The following PPWD1 variants were observed in gnomAD, a reference collection of about 807,000 sequenced individuals.
PPWD1 encodes peptidylprolyl isomerase domain and WD repeat-containing protein 1.
Under a neutral mutation model 68.8 loss-of-function variants are expected in PPWD1, and 43 were observed. The observed-to-expected ratio is 0.62, with a 90% CI of 0.49 to 0.81. The LOEUF is 0.81. Ranked by LOEUF, PPWD1 falls within the 30% of genes least tolerant of loss-of-function variation. The pLI is 0.00. For synonymous variants in PPWD1, 232 were observed against 258.7 expected (o/e 0.90, Z 0.99); for missense variants, 672 against 804.8 (o/e 0.83, Z 2.00).
intron 8 of PPWD1, among the ~76,000 whole-genome samples, chr5:65,584,087 C>CA (rs953126996): frequency 4.6e-5 from 7 of 152,034 alleles, no homozygotes; most frequent in African/African-American, 1.7e-4. Context: ...ATTCTTGACC[C>CA]AAAAAATGAC....
At chr5:65,570,190 T>C (rs888841117) in intron 4 of PPWD1, 192 bp downstream of exon 4, 1 of 914,136 alleles carries the variant, frequency 1.1e-6, no homozygotes, top group African/African-American at 1.8e-5. Context: ...TGATTTGTTA[T>C]CAATCACAGA....
In PPWD1 at chr5:65,586,142, T is replaced by C; in HGVS notation, c.1758T>C (p.Asn586=). 1.2e-6 allele frequency: 2 copies of C among 1,613,424 alleles called. No individual in the cohort carries two copies. Among genetic ancestry groups the C allele is most frequent in the African/African-American group, 2.7e-5 (2 of 74,996 alleles). The change falls in exon 10 of 11, where the codon AAT becomes AAC. Residue 586 remains asparagine (N), a synonymous_variant. Transcript: ENST00000261308. ...YTLSMANAGS[N]TNGSQFFITV... ...TCAGCATGGCTAACGCGGGATCAAA[T>C]ACTAATGGATCCCAGTTTTTCATAA...
In PPWD1 at chr5:65,586,332, A is replaced by C; in HGVS notation, c.1797+151A>C. On this transcript the variant is annotated intron_variant, in intron 10 of 10. Coordinates refer to ENST00000261308, the MANE Select transcript of PPWD1 (RefSeq NM_015342.4). ...ATATGAAAATGATCAAGAATATAAA[A>C]TTATGTGACTAATCAGTTTAGAATT... The C allele has an allele frequency of 3.7e-6, 3 of 810,348 alleles. No homozygotes were observed. The South Asian group carries it at 8.2e-5, about 22-fold the overall frequency. 50.2% of individuals were successfully genotyped at this position (810,348 alleles called of 1,614,324 possible).
At chr5:65,579,274 T>C in intron 6 of PPWD1, 150 bp from the exon 7 acceptor site, 1 of 1,227,438 alleles carries the variant, frequency 8.1e-7, no homozygotes, top group African/African-American at 1.6e-5. Context: ...ATTGATACCT[T>C]TTGGGGGGTA....
Position 65,579,454 on chromosome 5 carries a change from T to G in PPWD1, c.1191T>G (p.Asn397Lys). The change falls in exon 7 of 11, where the codon AAT becomes AAG. Residue 397 changes from asparagine to lysine, a missense_variant. Around this residue, in one of 2 missense-constraint regions of PPWD1, gnomAD observed 484 missense variants for 646.2 expected, o/e 0.75. Coordinates refer to ENST00000261308, the MANE Select transcript of PPWD1 (RefSeq NM_015342.4). ...RCVRILGKQENIRVMQLALFQ... is the reference protein window; with the variant it reads ...RCVRILGKQEKIRVMQLALFQ... ...TGCGGATTTTAGGCAAACAAGAAAA[T>G]ATTAGAGTGATGCAATTGGCTTTGT... is the stretch of plus-strand genomic sequence containing the variant. 6.3e-7 allele frequency: 1 copy of G among 1,588,650 alleles called. No homozygotes were observed. The highest frequency in any genetic ancestry group is 8.5e-7 in the Non-Finnish European group (1 of 1,170,468).
At chr5:65,573,843 A>C (rs979721590) in intron 5 of PPWD1, among the ~76,000 whole-genome samples, 1 of 152,056 alleles carries the variant, frequency 6.6e-6, no homozygotes, top group African/African-American at 2.4e-5. Flanking sequence ...CACAAGAGTT[A>C]CTCAAATATT....
intron 6 of PPWD1, 71 bp from the exon 7 acceptor site, chr5:65,579,353 T>C (rs1455682110): frequency 7.2e-7 from 1 of 1,387,514 alleles, no homozygotes; most frequent in African/African-American, 1.5e-5. Flanking sequence ...TCCCAGCTTT[T>C]ATCTGTAAAG....
chr5:65,584,170 T>A (rs1237651980), intron 8 of PPWD1, among the ~76,000 whole-genome samples: 2 of 152,192 alleles, frequency 1.3e-5, no homozygotes, highest in Admixed American at 6.5e-5. Context: ...ATACCATATC[T>A]TGGTACTCAA....
At chr5:65,576,475 C>G in intron 5 of PPWD1, 1 of 392,472 alleles carries the variant, frequency 2.5e-6, no homozygotes, top group South Asian at 1.1e-4. Context: ...CTCCTAGGTT[C>G]AAGCGATTCT....
chr5:65,583,294 C>G, intron 8 of PPWD1, 75 bp downstream of exon 8: 1 of 1,294,488 alleles, frequency 7.7e-7, no homozygotes, highest in Non-Finnish European at 1.0e-6. Flanking sequence ...AACCATGCAA[C>G]TTAAAATTCC....
chr5:65,564,823 C>G (rs1581144358), intron 1 of PPWD1, among the ~76,000 whole-genome samples: 1 of 152,088 alleles, frequency 6.6e-6, no homozygotes. Flanking sequence ...GTGTTTCTAC[C>G]GGGAATAATT....
In PPWD1 at chr5:65,579,610, T is replaced by C. The variant is rs762085652; in HGVS notation, c.1347T>C (p.Tyr449=). The change falls in exon 7 of 11, where the codon TAT becomes TAC. Residue 449 remains tyrosine, a synonymous_variant. Coordinates refer to ENST00000261308, the MANE Select transcript of PPWD1 (RefSeq NM_015342.4). ...CATCATTCAAAAAGAATAGATTTTATATGGTATGTGTAAGTACTAGGAGAT... is the reference window on the plus strand; with the variant it reads ...CATCATTCAAAAAGAATAGATTTTACATGGTATGTGTAAGTACTAGGAGAT... ...VCTSFKKNRF[Y]MFTKREPEDT... The C allele has an allele frequency of 1.9e-6, 3 of 1,561,026 alleles. No individual in the cohort carries two copies. The highest frequency in any genetic ancestry group is 2.8e-5 in the African/African-American group (2 of 72,020).
At chr5:65,581,008 A>G (rs1457637704) in intron 7 of PPWD1, among the ~76,000 whole-genome samples, 1 of 152,218 alleles carries the variant, frequency 6.6e-6, no homozygotes, top group East Asian at 1.9e-4. Context: ...TGTTAAATCC[A>G]GAAAGTTAGG....
Position 65,576,207 on chromosome 5 carries a change from T to C in PPWD1, c.970-672T>C, listed in dbSNP as rs1753272382. The stretch of plus-strand genomic sequence containing the variant: ...TTCTTTATACTTTGTTTAATGTTAC[T>C]AGACACTTTAAAATTACCTATGTGG... On this transcript the variant is annotated intron_variant, in intron 5 of 10. Transcript: ENST00000261308. 6.0e-6 allele frequency: 3 copies of C among 501,872 alleles called. No individual in the cohort carries two copies. In the Admixed American group the frequency reaches 1.9e-4, roughly 32 times the overall value. The allele number at this position is 501,872 out of a possible 1,614,324, so 31.1% of individuals were successfully genotyped here.
chr5:65,566,039 G>T (rs1390508522), intron 1 of PPWD1, among the ~76,000 whole-genome samples: 1 of 152,082 alleles, frequency 6.6e-6, no homozygotes, highest in Non-Finnish European at 1.5e-5. Context: ...TATCTCTTCA[G>T]GACAGGAACT....
Position 65,579,228 on chromosome 5 carries a change from T to TC in PPWD1, c.1161-196_1161-195insC, listed in dbSNP as rs1313852273. 284 of 915,654 alleles carry TC rather than the reference T, an allele frequency of 3.1e-4. 4 individuals carry two copies. The East Asian group carries it at 9.9e-3, about 32-fold the overall frequency. 56.7% of individuals were successfully genotyped at this position (915,654 alleles called of 1,614,324 possible). On this transcript the variant is annotated intron_variant, in intron 6 of 10. Coordinates refer to ENST00000261308, the MANE Select transcript of PPWD1 (RefSeq NM_015342.4). The stretch of plus-strand genomic sequence containing the variant: ...CACCGTGCCTGGCCTCATTTCTGTT[T>TC]TTTAACCTGAAAATTATAGCTGCCT...
chr5:65,563,473 C>G lies in PPWD1; in HGVS notation c.163C>G (p.Pro55Ala), dbSNP rs913985089. 3 of 1,613,672 alleles carry G rather than the reference C, an allele frequency of 1.9e-6. No individual in the cohort carries two copies. Among genetic ancestry groups the G allele is most frequent in the Non-Finnish European group, 2.5e-6 (3 of 1,179,928 alleles). ...CGAAGAGCGCTGGGTTGGACCTTTA[C>G]CTGTGGAGGCAACACTGGCCAAGAA... ...ENEERWVGPL[P>A]VEATLAKKRK... The change falls in exon 1 of 11, where the codon CCT becomes GCT. Residue 55 changes from proline (P) to alanine (A), a missense_variant. Physicochemically the swap from Pro to Ala is conservative, Grantham distance 27 (BLOSUM62 -1). This residue lies in a region of PPWD1 where 188 missense variants were observed against 158.6 expected (regional missense o/e 1.19). Coordinates refer to ENST00000261308, the MANE Select transcript of PPWD1 (RefSeq NM_015342.4).
At chr5:65,570,580 C>T (rs1211805986) in intron 4 of PPWD1, among the ~76,000 whole-genome samples, 1 of 151,684 alleles carries the variant, frequency 6.6e-6, no homozygotes, top group African/African-American at 2.4e-5. Context: ...GCTTGGATGC[C>T]ATAACAAAAA....
intron 7 of PPWD1, 145 bp from the exon 8 acceptor site, chr5:65,582,893 T>A: frequency 9.2e-7 from 1 of 1,088,916 alleles, no homozygotes; most frequent in Non-Finnish European, 1.2e-6. Context: ...TGACACATCC[T>A]GTATGGGAAG....
Sources: gnomAD v4.1 joint callset for allele counts (sites outside exome capture counted in the v4.1 genomes callset) on GRCh38, gnomAD v4.1.1 for gene constraint, gnomAD v4.1.1 regional missense constraint, MANE v1.5 for transcripts, NCBI Gene and HGNC (gene_info 2026-07-23, HGNC 2026-07-21) for gene names.